ZNF846: variants seen among roughly 807,000 people sequenced by gnomAD.
The protein encoded by ZNF846 is zinc finger protein 420 pseudogene.
A neutral mutation model predicts 16.0 loss-of-function variants in ZNF846; 15 were observed. The ratio of observed to expected loss-of-function variants is 0.94; its 90% CI spans 0.63 to 1.45. The LOEUF (loss-of-function observed/expected upper bound fraction) is 1.45, where lower values mean the gene tolerates loss of function less well. Ranked by LOEUF, ZNF846 falls within the 40% of genes most tolerant of loss-of-function variation. The probability of loss-of-function intolerance (pLI) is 0.00; values close to 1 mark genes in which losing one functional copy is unlikely to be tolerated. For synonymous variants in ZNF846, 229 were observed against 212.0 expected (o/e 1.08, Z -0.70); for missense variants, 714 against 622.3 (o/e 1.15, Z -1.57).
rs748573252 is a variant in ZNF846, at chr19:9,763,326, TAG to T, written c.96_97del (p.Tyr33GlnfsTer18). 1.9e-6 allele frequency: 3 copies of T among 1,611,838 alleles called. No individual in the cohort carries two copies. The highest frequency in any genetic ancestry group is 2.5e-6 in the Non-Finnish European group (3 of 1,178,632). On this transcript the variant is annotated frameshift_variant, in exon 3 of 6. Transcript: ENST00000397902. LOFTEE classifies it high-confidence loss of function. ...GTAGTTCTCCAACATCACATCTCTG[TAG>T]AGATCTCTCTGGGCTTGATCCAACA...
chr19:9,751,680 C>A (rs935476676), downstream of ZNF846, among the ~76,000 whole-genome samples: 1 of 152,108 alleles, frequency 6.6e-6, no homozygotes, highest in Non-Finnish European at 1.5e-5. Flanking sequence ...TGTGAATGCA[C>A]TTTGTAACAT....
At chr19:9,761,508 C>T (rs759815941) in intron 4 of ZNF846, among the ~76,000 whole-genome samples, 14 of 151,572 alleles carry the variant, frequency 9.2e-5, no homozygotes, top group East Asian at 2.0e-4. Flanking sequence ...GTCAGGAGTT[C>T]GAGAACAGCC....
At chr19:9,781,187 C>T (rs2045498002) in intron 1 of ZNF846, among the ~76,000 whole-genome samples, 2 of 152,032 alleles carry the variant, frequency 1.3e-5, no homozygotes, top group African/African-American at 4.8e-5. Context: ...AGCCCAGTGG[C>T]GGATCTTGGC....
intron 1 of ZNF846, among the ~76,000 whole-genome samples, chr19:9,768,017 G>A (rs960010354): frequency 1.3e-5 from 2 of 152,124 alleles, no homozygotes; most frequent in Non-Finnish European, 2.9e-5. Context: ...TTCTGATACT[G>A]GTATAATGAA....
At chr19:9,770,213 C>T (rs1296162002), upstream of ZNF846, among the ~76,000 whole-genome samples, 2 of 152,190 alleles carry the variant, frequency 1.3e-5, no homozygotes, top group East Asian at 1.9e-4. Flanking sequence ...ACCCAGTACC[C>T]TAGCCATGAT....
chr19:9,785,189 C>T (rs1020415019), intron 1 of ZNF846, among the ~76,000 whole-genome samples: 1 of 151,518 alleles, frequency 6.6e-6, no homozygotes, highest in East Asian at 2.0e-4. Flanking sequence ...CCTGTCTCCC[C>T]CTTCACCGAG....
chr19:9,757,885 C>G, exon 6 of ZNF846: 1 of 1,613,444 alleles, frequency 6.2e-7, no homozygotes, highest in South Asian at 1.1e-5. Flanking sequence ...TTCCCACATT[C>G]TTTACATTCA....
At chr19:9,757,170 G>C (rs1188835477), downstream of ZNF846, among the ~76,000 whole-genome samples, 1 of 151,058 alleles carries the variant, frequency 6.6e-6, no homozygotes, top group Non-Finnish European at 1.5e-5. Context: ...ACTCCAGCCT[G>C]GGTGAGAGAG....
chr19:9,749,126 T>C (rs891044620), downstream of ZNF846, among the ~76,000 whole-genome samples: 4 of 152,138 alleles, frequency 2.6e-5, no homozygotes, highest in Admixed American at 2.6e-4. Context: ...TCTCTCTTCT[T>C]CCTCCTGGAA....
At chr19:9,753,418 ATTTT>A (rs575904125), downstream of ZNF846, among the ~76,000 whole-genome samples, 1 of 135,568 alleles carries the variant, frequency 7.4e-6, no homozygotes, top group Admixed American at 7.3e-5. Context: ...CACTGGGCTG[ATTTT>A]TTTTTTTTTT....
chr19:9,765,053 G>T lies in ZNF846; in HGVS notation c.-85-18C>A. 7.8e-7 allele frequency: 1 copy of T among 1,289,118 alleles called. No homozygotes were observed. The highest frequency in any genetic ancestry group is 1.1e-6 in the Non-Finnish European group (1 of 886,416). 79.9% of individuals were successfully genotyped at this position (1,289,118 alleles called of 1,614,324 possible). On this transcript the variant is annotated intron_variant, in intron 1 of 5. Transcript: ENST00000397902. The stretch of plus-strand genomic sequence containing the variant: ...AAAATGACCTTTGGAAAAGAATAAT[G>T]GCATGTCAGTTGGATACATCAAAGA...
chr19:9,755,799 C>CAAAAAA (rs538572391), downstream of ZNF846, among the ~76,000 whole-genome samples: 15 of 24,702 alleles, frequency 6.1e-4, no homozygotes, highest in African/African-American at 1.1e-3. Context: ...GACTCCGTCT[C>CAAAAAA]AAAAAAAAAA....
intron 1 of ZNF846, among the ~76,000 whole-genome samples, chr19:9,775,810 G>A (rs1361847203): frequency 4.6e-5 from 7 of 152,172 alleles, no homozygotes; most frequent in Admixed American, 3.3e-4. Flanking sequence ...CCGAGGACAC[G>A]AGCTGTTCCA....
exon 6 of ZNF846, chr19:9,757,866 T>C: frequency 5.0e-6 from 8 of 1,612,604 alleles, no homozygotes; most frequent in Non-Finnish European, 6.8e-6. Flanking sequence ...TGAGGAATTA[T>C]TAAAGGCTTT....
chr19:9,766,177 T>C (rs572216625), intron 1 of ZNF846, among the ~76,000 whole-genome samples: 1 of 152,026 alleles, frequency 6.6e-6, no homozygotes, highest in East Asian at 1.9e-4. Context: ...CCCGGCACTT[T>C]GGGAGGCCGA....
At chr19:9,775,764 G>T (rs1211851697) in intron 1 of ZNF846, among the ~76,000 whole-genome samples, 3 of 152,164 alleles carry the variant, frequency 2.0e-5, no homozygotes, top group Non-Finnish European at 2.9e-5. Context: ...GGGGTCCCTT[G>T]TGGGCAGCAA....
intron 4 of ZNF846, among the ~76,000 whole-genome samples, 176 bp downstream of exon 4, chr19:9,761,906 C>A (rs2045237233): frequency 6.7e-6 from 1 of 148,796 alleles, no homozygotes; most frequent in Admixed American, 7.1e-5. Context: ...TTGAGAAGAT[C>A]AATGGAAATT....
At chr19:9,757,852 G>A (rs1382852329) in exon 6 of ZNF846, 5 of 1,613,124 alleles carry the variant, frequency 3.1e-6, no homozygotes, top group African/African-American at 2.7e-5. Flanking sequence ...TGTTGACTAA[G>A]CATTGAGGAA....
chr19:9,775,662 G>A (rs540677756), intron 1 of ZNF846, among the ~76,000 whole-genome samples: 57 of 152,244 alleles, frequency 3.7e-4, no homozygotes, highest in Middle Eastern at 3.4e-3. Context: ...CATATGTAGG[G>A]TATTTGAATG....
Sources: gnomAD v4.1 joint callset for allele counts (sites outside exome capture counted in the v4.1 genomes callset) on GRCh38, gnomAD v4.1.1 for gene constraint, MANE v1.5 for transcripts, NCBI Gene and HGNC (gene_info 2026-07-23, HGNC 2026-07-21) for gene names.